XYLT1: variants seen among roughly 807,000 people sequenced by gnomAD.
XYLT1 encodes the protein xylosyltransferase 1, also known as beta-D-xylosyltransferase 1.
In XYLT1, 36 loss-of-function variants were observed where a neutral mutation model predicts 91.3. The observed-to-expected ratio is 0.39, with a 90% CI of 0.30 to 0.52. The LOEUF (loss-of-function observed/expected upper bound fraction) is 0.52. Among genes scored for constraint, XYLT1 ranks in the 20% least tolerant of loss-of-function variants. The pLI, the probability that XYLT1 is intolerant of heterozygous loss-of-function variation, is 0.68. For synonymous variants in XYLT1, 588 were observed against 532.0 expected, an observed-to-expected ratio of 1.11 and a Z score of -1.45; for missense variants, 1,242 against 1,284.5, an observed-to-expected ratio of 0.97 and a Z score of 0.51.
chr16:17,109,374 C>T (rs1966823040), intron 11 of XYLT1, among the ~76,000 whole-genome samples: 1 of 152,174 alleles, frequency 6.6e-6, no homozygotes, highest in African/African-American at 2.4e-5. Flanking sequence ...ATCTGCAAGG[C>T]ACTGTCTCAT....
At chr16:17,207,713 T>G (rs2032680146) in intron 3 of XYLT1, among the ~76,000 whole-genome samples, 1 of 152,146 alleles carries the variant, frequency 6.6e-6, no homozygotes, top group Non-Finnish European at 1.5e-5. Flanking sequence ...CTGGGAGGAA[T>G]CAGTCAACGG....
rs1398830719 is a variant in XYLT1, at chr16:17,312,871, G to A, written c.402+45141C>T. ...TGGTAACTAGTGCAAACTCGCTCATGGATCAGAGATGTTTCTGAGGGTACT... is the reference window on the plus strand; with the variant it reads ...TGGTAACTAGTGCAAACTCGCTCATAGATCAGAGATGTTTCTGAGGGTACT... On this transcript the variant is annotated intron_variant, in intron 2 of 11. Coordinates refer to ENST00000261381, the MANE Select transcript of XYLT1 (RefSeq NM_022166.4). This position sits in a 1 kb window ranked among gnomAD's most constrained non-coding sequence, Gnocchi z 4.4. Among the ~76,000 whole-genome samples, 3 of 152,244 alleles carry A rather than the reference G, an allele frequency of 2.0e-5. No homozygotes were observed. Among genetic ancestry groups the A allele is most frequent in the East Asian group, 3.8e-4 (2 of 5,206 alleles).
rs76815377 is a variant in XYLT1 at position 17,259,632 on chromosome 16, T to C, written c.403-134A>G. ...TTCACATCCTACTTTTGCTACTGGT[T>C]TAACCTCTGGTAAGATGGCTCTCTC... On this transcript the variant is annotated intron_variant, in intron 2 of 11. Coordinates refer to ENST00000261381, the MANE Select transcript of XYLT1 (RefSeq NM_022166.4). 1.2e-3 allele frequency: 1,292 copies of C among 1,085,252 alleles called. 15 individuals are homozygous for C. In the African/African-American group the frequency reaches 0.019, roughly 16 times the overall value. 67.2% of individuals were successfully genotyped at this position (1,085,252 alleles called of 1,614,324 possible).
chr16:17,311,922 C>A (rs975439315), intron 2 of XYLT1, among the ~76,000 whole-genome samples: 10 of 148,318 alleles, frequency 6.7e-5, no homozygotes, highest in African/African-American at 2.6e-4. Flanking sequence ...ACAATGAGAA[C>A]AATATAGGGG....
At chr16:17,260,908 C>A (rs748765895) in intron 2 of XYLT1, among the ~76,000 whole-genome samples, 1 of 152,190 alleles carries the variant, frequency 6.6e-6, no homozygotes, top group East Asian at 1.9e-4. Context: ...TCCTCACCAT[C>A]CATATACGAC....
intron 3 of XYLT1, among the ~76,000 whole-genome samples, chr16:17,216,898 G>A (rs1482893131): frequency 3.9e-5 from 6 of 152,126 alleles, no homozygotes; most frequent in South Asian, 2.1e-4. Flanking sequence ...TGAAATCTCC[G>A]GTTGATCACA....
chr16:17,219,302 GAAAAAGAAAA>G (rs2032920070), intron 3 of XYLT1, among the ~76,000 whole-genome samples: 1 of 102,854 alleles, frequency 9.7e-6, no homozygotes, highest in Non-Finnish European at 1.9e-5. Context: ...AAAAAAAAAA[GAAAAAGAAAA>G]AAAAAGAGAA....
chr16:17,198,491 T>A, intron 4 of XYLT1, 77 bp from the exon 5 acceptor site: 1 of 1,433,784 alleles, frequency 7.0e-7, no homozygotes, highest in Non-Finnish European at 9.5e-7. Flanking sequence ...CCCTGTCCCC[T>A]CTCTGTGTCT....
chr16:17,173,757 C>T (rs139079726), intron 5 of XYLT1, among the ~76,000 whole-genome samples: 13 of 152,328 alleles, frequency 8.5e-5, no homozygotes, highest in East Asian at 5.8e-4. Context: ...AATCATCATT[C>T]GGCAAAAGGT....
chr16:17,301,936 G>A (rs982670215), intron 2 of XYLT1, among the ~76,000 whole-genome samples: 1 of 152,158 alleles, frequency 6.6e-6, no homozygotes, highest in African/African-American at 2.4e-5. Flanking sequence ...TCAGGGCTCG[G>A]CACAGTGGCT....
intron 1 of XYLT1, among the ~76,000 whole-genome samples, chr16:17,452,809 G>A (rs2036684232): frequency 6.6e-6 from 1 of 152,044 alleles, no homozygotes; most frequent in Non-Finnish European, 1.5e-5. Context: ...TAATTAGCAC[G>A]TTAGAACATC....
intron 2 of XYLT1, among the ~76,000 whole-genome samples, chr16:17,292,876 C>T (rs958381258): frequency 6.6e-6 from 1 of 152,188 alleles, no homozygotes; most frequent in Non-Finnish European, 1.5e-5. Flanking sequence ...ATGAGACGTT[C>T]ATCCACTTCA....
rs78178330 is a variant in XYLT1 at position 17,417,862 on chromosome 16, A to G, written c.363+52572T>C. Among the ~76,000 whole-genome samples the G allele has an allele frequency of 1.8e-4, 27 of 152,336 alleles. No individual in the cohort carries two copies. The East Asian group carries it at 4.8e-3, about 27-fold the overall frequency. ...CCTCTTAGAATATTTACTCTGGGGA[A>G]ACTCCCTCTTGGAACCCAGCCACCA... On this transcript the variant is annotated intron_variant, in intron 1 of 11. Transcript: ENST00000261381.
At chr16:17,151,000 C>G (rs891670786) in intron 6 of XYLT1, among the ~76,000 whole-genome samples, 2 of 152,154 alleles carry the variant, frequency 1.3e-5, no homozygotes, top group African/African-American at 4.8e-5. Context: ...GCTTCAGAAC[C>G]TCACTTCATA....
chr16:17,369,911 G>A (rs1393504099), intron 1 of XYLT1, among the ~76,000 whole-genome samples: 1 of 152,202 alleles, frequency 6.6e-6, no homozygotes, highest in Non-Finnish European at 1.5e-5. Context: ...CGACAACAGA[G>A]TTGGCCCGAG....
chr16:17,353,353 A>G (rs56378340), intron 2 of XYLT1, among the ~76,000 whole-genome samples: 70,479 of 151,878 alleles, frequency 0.46, 17,697 homozygotes, highest in African/African-American at 0.63. Flanking sequence ...AGGGTGGGGG[A>G]AGTGAGGGCA....
At chr16:17,212,397 T>TC (rs1381027608) in intron 3 of XYLT1, among the ~76,000 whole-genome samples, 1 of 152,098 alleles carries the variant, frequency 6.6e-6, no homozygotes, top group African/African-American at 2.4e-5. Context: ...CTTTTGAAAC[T>TC]CCCCCTGTGA....
chr16:17,215,797 G>A (rs565919716), intron 3 of XYLT1, among the ~76,000 whole-genome samples: 1 of 152,168 alleles, frequency 6.6e-6, no homozygotes, highest in Non-Finnish European at 1.5e-5. Flanking sequence ...ATACAGGAAG[G>A]CCAGTGTGGC....
At chr16:17,351,749 T>TGCGG (rs1555499397) in intron 2 of XYLT1, among the ~76,000 whole-genome samples, 1 of 134,844 alleles carries the variant, frequency 7.4e-6, no homozygotes, top group African/African-American at 3.1e-5. Flanking sequence ...GCTTTTTTTT[T>TGCGG]GGGGGGGGGT....
Sources: gnomAD v4.1 joint callset for allele counts (sites outside exome capture counted in the v4.1 genomes callset) on GRCh38, gnomAD v4.1.1 for gene constraint, Gnocchi (gnomAD v3.1) non-coding constraint, MANE v1.5 for transcripts, NCBI Gene and HGNC (gene_info 2026-07-23, HGNC 2026-07-21) for gene names.